The following TDRD7 variants were observed in gnomAD, a reference collection of about 807,000 sequenced individuals.
TDRD7 encodes the protein tudor domain containing 7.
TDRD7 carries 47 observed loss-of-function variants against 109.8 expected under a neutral mutation model. That is an observed-to-expected ratio of 0.43 (90% confidence interval 0.34 to 0.55). The LOEUF is 0.55. TDRD7 is among the 20% of genes least tolerant of loss of function. TDRD7 has a pLI of 0.03. For synonymous variants in TDRD7, 424 were observed against 457.3 expected (o/e 0.93, Z 0.93); for missense variants, 1,164 against 1,319.2 (o/e 0.88, Z 1.82).
At chr9:97,424,143 G>A (rs911056343) in intron 1 of TDRD7, among the ~76,000 whole-genome samples, 2 of 130,716 alleles carry the variant, frequency 1.5e-5, no homozygotes, top group African/African-American at 2.9e-5. Context: ...AACCTCCACC[G>A]CCTGAGTTCA....
intron 6 of TDRD7, among the ~76,000 whole-genome samples, chr9:97,450,341 T>C (rs1828469742): frequency 6.6e-6 from 1 of 152,180 alleles, no homozygotes; most frequent in South Asian, 2.1e-4. Flanking sequence ...TCTCCCACAG[T>C]AGAGGAGGCC....
intron 16 of TDRD7, among the ~76,000 whole-genome samples, chr9:97,491,795 A>G (rs1829313354): frequency 6.6e-6 from 1 of 152,224 alleles, no homozygotes; most frequent in African/African-American, 2.4e-5. Flanking sequence ...TAAGAAAAAC[A>G]GAAAGCTCTG....
chr9:97,436,196 G>A (rs1184183587), intron 4 of TDRD7, among the ~76,000 whole-genome samples: 1 of 152,150 alleles, frequency 6.6e-6, no homozygotes. Flanking sequence ...TCTCTAAACA[G>A]ATTATAATAA....
At chr9:97,455,592 G>C (rs1418129698) in intron 6 of TDRD7, among the ~76,000 whole-genome samples, 3 of 152,194 alleles carry the variant, frequency 2.0e-5, no homozygotes, top group Non-Finnish European at 4.4e-5. Flanking sequence ...TATCTCAATA[G>C]ATGCAGAAAA....
At position 97,441,986 on chromosome 9, in the gene TDRD7, A is replaced by G. The variant is rs965310706; in HGVS notation, c.855+111A>G. Reference sequence around the variant, plus strand: ...CCCCAGAAGACAAAGCACTTTACATATGTTACCTCATTAATCTTTATCTCT... The same window carrying G: ...CCCCAGAAGACAAAGCACTTTACATGTGTTACCTCATTAATCTTTATCTCT... On this transcript the variant is annotated intron_variant, in intron 6 of 16. Transcript: ENST00000355295. The G allele has an allele frequency of 5.7e-5, 48 of 843,976 alleles. No homozygotes were observed. In the African/African-American group the frequency reaches 7.7e-4, roughly 14 times the overall value. The allele number at this position is 843,976 out of a possible 1,614,324, so 52.3% of individuals were successfully genotyped here.
chr9:97,477,287 A>G (rs563252442), intron 12 of TDRD7, among the ~76,000 whole-genome samples: 1 of 152,324 alleles, frequency 6.6e-6, no homozygotes. Flanking sequence ...CACAGAACAT[A>G]CATTTCCCAA....
chr9:97,452,477 A>G (rs898355127), intron 6 of TDRD7, among the ~76,000 whole-genome samples: 1 of 152,190 alleles, frequency 6.6e-6, no homozygotes, highest in African/African-American at 2.4e-5. Context: ...TTTGAGATAA[A>G]AGAATAAACC....
At chr9:97,427,590 A>G (rs1828022171) in intron 1 of TDRD7, among the ~76,000 whole-genome samples, 1 of 152,226 alleles carries the variant, frequency 6.6e-6, no homozygotes, top group Non-Finnish European at 1.5e-5. Flanking sequence ...CTCCGTGTCC[A>G]AAATGAATTG....
chr9:97,430,098 T>G (rs1587861611), intron 2 of TDRD7, among the ~76,000 whole-genome samples: 2 of 152,372 alleles, frequency 1.3e-5, no homozygotes, highest in Non-Finnish European at 2.9e-5. Flanking sequence ...TTTCCTGTTT[T>G]TGATTTCAAA....
At chr9:97,477,326 C>T (rs1341373204) in intron 12 of TDRD7, among the ~76,000 whole-genome samples, 1 of 152,128 alleles carries the variant, frequency 6.6e-6, no homozygotes, top group Non-Finnish European at 1.5e-5. Flanking sequence ...TTTTCTGCTC[C>T]AGCATACAAT....
chr9:97,460,997 A>G (rs187559851), intron 7 of TDRD7, among the ~76,000 whole-genome samples: 14 of 151,992 alleles, frequency 9.2e-5, no homozygotes, highest in Non-Finnish European at 1.8e-4. Flanking sequence ...AAAAATTAGC[A>G]GGGCGTGGTG....
intron 15 of TDRD7, among the ~76,000 whole-genome samples, chr9:97,485,991 T>C (rs1194483144): frequency 6.6e-6 from 1 of 152,210 alleles, no homozygotes; most frequent in Non-Finnish European, 1.5e-5. Flanking sequence ...AGCTGACCTT[T>C]TTGTTTCGGG....
intron 5 of TDRD7, among the ~76,000 whole-genome samples, chr9:97,440,126 C>G (rs1252903301): frequency 1.3e-5 from 2 of 152,002 alleles, no homozygotes; most frequent in African/African-American, 4.8e-5. Flanking sequence ...ACATGAATTA[C>G]TTTTACATAG....
At chr9:97,423,339 G>A (rs1827928751) in intron 1 of TDRD7, among the ~76,000 whole-genome samples, 1 of 149,654 alleles carries the variant, frequency 6.7e-6, no homozygotes, top group South Asian at 2.1e-4. Context: ...TCTTTTTAAT[G>A]TCTGTAGGAT....
chr9:97,481,679 T>C (rs938493604), intron 14 of TDRD7, among the ~76,000 whole-genome samples: 1 of 152,246 alleles, frequency 6.6e-6, no homozygotes, highest in Non-Finnish European at 1.5e-5. Flanking sequence ...AATTATATAC[T>C]ATTCCATATT....
Position 97,470,541 on chromosome 9 carries a change from G to A in TDRD7, c.1630-17G>A, listed in dbSNP as rs1002697602. ...GAGAGGATAAAGAACTAAACATTCTGTGTTTTTAATCATTAGGTATGCTAT... is the reference window on the plus strand; with the variant it reads ...GAGAGGATAAAGAACTAAACATTCTATGTTTTTAATCATTAGGTATGCTAT... On this transcript the variant is annotated splice_polypyrimidine_tract_variant and intron_variant, in intron 8 of 16. Transcript: ENST00000355295. 2.5e-6 allele frequency: 4 copies of A among 1,591,688 alleles called. No homozygotes were observed. In the African/African-American group the frequency reaches 4.0e-5, roughly 16 times the overall value.
At chr9:97,436,650 T>G (rs1038491718) in intron 4 of TDRD7, among the ~76,000 whole-genome samples, 2 of 152,208 alleles carry the variant, frequency 1.3e-5, no homozygotes, top group Non-Finnish European at 2.9e-5. Context: ...CACTCAATAT[T>G]ATGTAATATG....
chr9:97,438,660 T>C (rs1269753734), intron 4 of TDRD7, among the ~76,000 whole-genome samples: 1 of 152,190 alleles, frequency 6.6e-6, no homozygotes, highest in Admixed American at 6.6e-5. Context: ...TTATATAAAA[T>C]TTATTTTTAG....
At position 97,487,159 on chromosome 9, in the gene TDRD7, A is replaced by G. The variant is rs1258010114; in HGVS notation, c.2916-13A>G. 6.2e-7 allele frequency: 1 copy of G among 1,613,766 alleles called. No homozygotes were observed. The highest frequency in any genetic ancestry group is 1.1e-5 in the South Asian group (1 of 91,070). On this transcript the variant is annotated splice_polypyrimidine_tract_variant and intron_variant, in intron 15 of 16. Transcript: ENST00000355295. Reference sequence around the variant, plus strand: ...TGTGTTTTCTCTTCCTTTTTAATTTAATGTACATCTAGGTGGCACAGGGTG... The same window carrying G: ...TGTGTTTTCTCTTCCTTTTTAATTTGATGTACATCTAGGTGGCACAGGGTG...
Sources: gnomAD v4.1 joint callset for allele counts (sites outside exome capture counted in the v4.1 genomes callset) on GRCh38, gnomAD v4.1.1 for gene constraint, MANE v1.5 for transcripts, NCBI Gene and HGNC (gene_info 2026-07-23, HGNC 2026-07-21) for gene names.